MYT1L: variants seen among roughly 807,000 people sequenced by gnomAD.
MYT1L encodes the protein myelin transcription factor 1 like.
A neutral mutation model predicts 126.7 loss-of-function variants in MYT1L; 12 were observed. The observed-to-expected ratio is 0.09, with a 90% CI of 0.06 to 0.15. MYT1L has a LOEUF of 0.15. Among genes scored for constraint, MYT1L ranks in the 10% least tolerant of loss-of-function variants. The pLI is 1.00. For synonymous variants in MYT1L, 541 were observed against 604.2 expected, an observed-to-expected ratio of 0.90 and a Z score of 1.53; for missense variants, 979 against 1,585.2, an observed-to-expected ratio of 0.62 and a Z score of 6.49.
chr2:2,268,886 G>A (rs2095199515), intron 2 of MYT1L, among the ~76,000 whole-genome samples: 1 of 152,062 alleles, frequency 6.6e-6, no homozygotes, highest in Admixed American at 6.6e-5. Flanking sequence ...TAGGGAAGAG[G>A]GAAAAACCCA....
At chr2:1,831,479 C>A (rs868816960) in intron 21 of MYT1L, among the ~76,000 whole-genome samples, 1 of 152,236 alleles carries the variant, frequency 6.6e-6, no homozygotes, top group East Asian at 1.9e-4. Flanking sequence ...CCTCCCCTCT[C>A]GTCTGGTCTG....
At chr2:2,209,584 C>A (rs2093432282) in intron 2 of MYT1L, among the ~76,000 whole-genome samples, 1 of 152,078 alleles carries the variant, frequency 6.6e-6, no homozygotes, top group Non-Finnish European at 1.5e-5. Flanking sequence ...GAATCTCATT[C>A]TTTTTTATGG....
rs540510240 is a variant in MYT1L at position 1,998,773 on chromosome 2, C to T, written c.-157-1426G>A. 2.0e-5 allele frequency among the ~76,000 whole-genome samples: 3 copies of T among 152,236 alleles called. No homozygotes were observed. The South Asian group carries it at 6.2e-4, about 32-fold the overall frequency. On this transcript the variant is annotated intron_variant, in intron 4 of 24. Transcript: ENST00000647738. Reference sequence around the variant, plus strand: ...TAACTCCCCTAAACATTACCATGAACTCTGAACTATCTTACAGAATCCTCT... The same window carrying T: ...TAACTCCCCTAAACATTACCATGAATTCTGAACTATCTTACAGAATCCTCT...
intron 4 of MYT1L, among the ~76,000 whole-genome samples, chr2:2,048,850 G>A (rs557411376): frequency 9.3e-4 from 141 of 152,308 alleles, no homozygotes; most frequent in African/African-American, 3.1e-3. Context: ...TCCGGAATAG[G>A]AGGACAGGGA....
intron 3 of MYT1L, among the ~76,000 whole-genome samples, chr2:2,092,250 G>A (rs1021743552): frequency 6.6e-6 from 1 of 152,028 alleles, no homozygotes; most frequent in Non-Finnish European, 1.5e-5. Context: ...TTGCAGGGTT[G>A]TTCGTTGGCC....
intron 2 of MYT1L, among the ~76,000 whole-genome samples, chr2:2,187,541 C>T (rs773904874): frequency 7.9e-5 from 12 of 151,744 alleles, no homozygotes; most frequent in African/African-American, 1.2e-4. Flanking sequence ...GCCTCGCCCC[C>T]GTGGAAAGGA....
intron 4 of MYT1L, among the ~76,000 whole-genome samples, chr2:2,004,371 C>CTTCTTTCCTGCAGGCG (rs1477701213): frequency 8.3e-6 from 1 of 120,794 alleles, no homozygotes; most frequent in African/African-American, 3.4e-5. Context: ...TCCTGTGTGC[C>CTTCTTTCCTGCAGGCG]TTCTTTCCTG....
At chr2:1,945,121 G>A (rs961536477) in intron 8 of MYT1L, among the ~76,000 whole-genome samples, 4 of 152,196 alleles carry the variant, frequency 2.6e-5, no homozygotes, top group Admixed American at 6.5e-5. Context: ...AGCATAGAGC[G>A]GGGCTGGGCC....
At chr2:1,880,456 G>C (rs564367051) in intron 18 of MYT1L, among the ~76,000 whole-genome samples, 14 of 152,270 alleles carry the variant, frequency 9.2e-5, no homozygotes, top group African/African-American at 2.6e-4. Context: ...TTGTGCCTCA[G>C]CCTCCTGAGT....
chr2:1,796,872 C>T (rs904417211), intron 23 of MYT1L, among the ~76,000 whole-genome samples: 1 of 152,180 alleles, frequency 6.6e-6, no homozygotes, highest in Non-Finnish European at 1.5e-5. Context: ...CACACAAATG[C>T]CGCTTGCCCA....
At chr2:2,289,730 G>T (rs938868328) in intron 1 of MYT1L, among the ~76,000 whole-genome samples, 1 of 152,200 alleles carries the variant, frequency 6.6e-6, no homozygotes, top group Non-Finnish European at 1.5e-5. Context: ...TCTAACTGGG[G>T]TGAGAGCATG....
intron 3 of MYT1L, among the ~76,000 whole-genome samples, chr2:2,093,768 G>C (rs2077149778): frequency 6.6e-6 from 1 of 152,172 alleles, no homozygotes; most frequent in Admixed American, 6.5e-5. Context: ...CCTTGCCCAT[G>C]CCTATGTCCT....
At chr2:2,210,391 A>G (rs1472617400) in intron 2 of MYT1L, among the ~76,000 whole-genome samples, 1 of 148,278 alleles carries the variant, frequency 6.7e-6, no homozygotes, top group South Asian at 2.1e-4. Flanking sequence ...GTTTAAATTT[A>G]AGTTTTTAAT....
At chr2:1,842,352 G>A (rs1041979046) in intron 19 of MYT1L, 11 of 152,538 alleles carry the variant, frequency 7.2e-5, no homozygotes, top group Admixed American at 2.6e-4. Context: ...TTCGTGTCTG[G>A]GCAGAAAGGA....
chr2:2,080,083 T>C (rs1430451290), intron 3 of MYT1L, among the ~76,000 whole-genome samples: 1 of 152,232 alleles, frequency 6.6e-6, no homozygotes, highest in East Asian at 1.9e-4. Flanking sequence ...AATCAAGTCT[T>C]TTTAATGAAT....
At chr2:1,970,858 AATT>A (rs1242165518) in intron 8 of MYT1L, among the ~76,000 whole-genome samples, 11 of 152,140 alleles carry the variant, frequency 7.2e-5, no homozygotes, top group Admixed American at 5.9e-4. Flanking sequence ...TATATTTTTT[AATT>A]ATTAGTTCAA....
At chr2:1,937,398 AG>A (rs1451385394) in intron 9 of MYT1L, among the ~76,000 whole-genome samples, 1 of 149,836 alleles carries the variant, frequency 6.7e-6, no homozygotes, top group African/African-American at 2.5e-5. Context: ...CAGATCGCAC[AG>A]CGAGAAAGCC....
intron 4 of MYT1L, among the ~76,000 whole-genome samples, chr2:2,013,469 TA>T (rs1162861667): frequency 6.6e-6 from 1 of 152,190 alleles, no homozygotes; most frequent in Non-Finnish European, 1.5e-5. Flanking sequence ...CCTGAAACAT[TA>T]ACCCAAACTC....
intron 2 of MYT1L, among the ~76,000 whole-genome samples, chr2:2,259,536 G>T (rs938340145): frequency 2.6e-5 from 4 of 151,510 alleles, no homozygotes; most frequent in Admixed American, 2.0e-4. Context: ...GTTTTTATTT[G>T]TCAATTATAT....
Sources: gnomAD v4.1 joint callset for allele counts (sites outside exome capture counted in the v4.1 genomes callset) on GRCh38, gnomAD v4.1.1 for gene constraint, MANE v1.5 for transcripts, NCBI Gene and HGNC (gene_info 2026-07-23, HGNC 2026-07-21) for gene names.